RNF20: variants seen among roughly 807,000 people sequenced by gnomAD.
The protein encoded by RNF20 is E3 ubiquitin-protein ligase BRE1A.
Under a neutral mutation model 126.2 loss-of-function variants are expected in RNF20, and 84 were observed. The observed-to-expected ratio is 0.67, with a 90% CI of 0.56 to 0.80. The LOEUF (loss-of-function observed/expected upper bound fraction) is 0.80, where lower values mean the gene tolerates loss of function less well. Among genes scored for constraint, RNF20 ranks in the 30% least tolerant of loss-of-function variants. The probability of loss-of-function intolerance (pLI) is 0.00; values close to 1 mark genes in which losing one functional copy is unlikely to be tolerated. For synonymous variants in RNF20, 400 were observed against 414.3 expected (o/e 0.97, Z 0.42); for missense variants, 869 against 1,188.2 (o/e 0.73, Z 3.95).
intron 6 of RNF20, among the ~76,000 whole-genome samples, chr9:101,545,875 C>G (rs1233133976): frequency 6.6e-6 from 1 of 152,126 alleles, no homozygotes; most frequent in African/African-American, 2.4e-5. Flanking sequence ...CTGTGATGTC[C>G]TTGTTGGCTC....
chr9:101,552,766 T>C lies in RNF20; in HGVS notation c.1901+13T>C. 1 of 1,585,526 alleles carries C rather than the reference T, an allele frequency of 6.3e-7. No homozygotes were observed. The highest frequency in any genetic ancestry group is 8.6e-7 in the Non-Finnish European group (1 of 1,167,562). ...AGATTGAACTCAAGTAAGAACCACA[T>C]TTAGAGTAACAGTTTCGACTGAAAA... is the stretch of plus-strand genomic sequence containing the variant. On this transcript the variant is annotated intron_variant, in intron 13 of 19. Transcript: ENST00000389120.
intron 5 of RNF20, among the ~76,000 whole-genome samples, chr9:101,541,593 T>G (rs1342444499): frequency 6.6e-6 from 1 of 152,258 alleles, no homozygotes; most frequent in African/African-American, 2.4e-5. Flanking sequence ...CTCTAATATC[T>G]GGATCTGTTT....
At chr9:101,534,157 T>C (rs1199004629) in intron 1 of RNF20, 1 of 152,140 alleles carries the variant, frequency 6.6e-6, no homozygotes, top group Non-Finnish European at 1.5e-5. Flanking sequence ...GAGGTCCTAC[T>C]GAGGTTGTTG....
rs778771772 is a variant in RNF20 at position 101,554,788 on chromosome 9, G to A, written c.2114G>A (p.Arg705Gln). The change falls in exon 15 of 20, where the codon CGG (arginine) becomes CAG (glutamine). Residue 705 changes from arginine to glutamine, a missense_variant. This residue lies in a region of RNF20 where 231 missense variants were observed against 263.6 expected (regional missense o/e 0.88). Transcript: ENST00000389120. Reference protein sequence around the residue: ...MADEDALRKIRAVEEQIEYLQ... With the variant: ...MADEDALRKIQAVEEQIEYLQ... ...GATGAGGATGCCTTGAGGAAGATCCGGGCAGTGGAGGAGCAGATAGAATAC... is the reference window on the plus strand; with the variant it reads ...GATGAGGATGCCTTGAGGAAGATCCAGGCAGTGGAGGAGCAGATAGAATAC... 2.2e-5 allele frequency: 35 copies of A among 1,573,200 alleles called. 1 individual carries two copies. The South Asian group carries it at 3.5e-4, about 16-fold the overall frequency.
At chr9:101,543,608 G>T (rs1420691784) in intron 5 of RNF20, among the ~76,000 whole-genome samples, 1 of 151,710 alleles carries the variant, frequency 6.6e-6, no homozygotes, top group South Asian at 2.1e-4. Context: ...CCCTGCCAGG[G>T]CGGCACTGTC....
intron 5 of RNF20, among the ~76,000 whole-genome samples, chr9:101,544,152 T>C (rs956023090): frequency 6.6e-6 from 1 of 152,226 alleles, no homozygotes; most frequent in Admixed American, 6.5e-5. Flanking sequence ...ACGAACTTGG[T>C]GTAATAAGTT....
intron 16 of RNF20, among the ~76,000 whole-genome samples, chr9:101,558,080 T>C (rs745855498): frequency 2.0e-5 from 3 of 151,822 alleles, no homozygotes; most frequent in Admixed American, 6.6e-5. Flanking sequence ...ATAAGTTCTT[T>C]AGTGGTGATA....
intron 9 of RNF20, among the ~76,000 whole-genome samples, chr9:101,549,942 T>C (rs972648247): frequency 2.0e-5 from 3 of 152,228 alleles, no homozygotes; most frequent in Non-Finnish European, 1.5e-5. Flanking sequence ...ACTATTCTTG[T>C]TTTATATTTT....
intron 6 of RNF20, among the ~76,000 whole-genome samples, chr9:101,546,489 A>G (rs919009703): frequency 1.3e-5 from 2 of 152,148 alleles, no homozygotes; most frequent in African/African-American, 4.8e-5. Context: ...GATACTATTT[A>G]TTATCTCTTA....
At chr9:101,560,184 A>T (rs1409394709) in intron 16 of RNF20, among the ~76,000 whole-genome samples, 1 of 152,150 alleles carries the variant, frequency 6.6e-6, no homozygotes, top group Non-Finnish European at 1.5e-5. Flanking sequence ...AATTCTGTTT[A>T]TATGGTGTAT....
In RNF20 at chr9:101,554,685, C is replaced by G. The variant is rs1051274812; in HGVS notation, c.2020-9C>G. ...TTTTTATTTTTGTGCAATTCCTTTC[C>G]TCTTATAGTTGGAAGATCTAAGGCA... On this transcript the variant is annotated splice_polypyrimidine_tract_variant and intron_variant, in intron 14 of 19. Coordinates refer to ENST00000389120, the MANE Select transcript of RNF20 (RefSeq NM_019592.7). 2 of 1,606,492 alleles carry G rather than the reference C, an allele frequency of 1.2e-6. No homozygotes were observed. The highest frequency in any genetic ancestry group is 1.1e-5 in the South Asian group (1 of 90,262).
chr9:101,546,635 T>C (rs1356060782), intron 6 of RNF20, among the ~76,000 whole-genome samples, 185 bp from the exon 7 acceptor site: 1 of 152,142 alleles, frequency 6.6e-6, no homozygotes, highest in East Asian at 1.9e-4. Context: ...AAAGTTTGCA[T>C]GATTATAACT....
In RNF20 at chr9:101,544,868, C is replaced by T. The variant is rs564171193; in HGVS notation, c.730C>T (p.Arg244Cys). ...GACAGATCTTCTTCAGGAAAAGCAT[C>T]GCACCATGTCTCAGGAGGTACTTAA... is the stretch of plus-strand genomic sequence containing the variant. Reference protein sequence around the residue: ...ELTDLLQEKHRTMSQEFSKLQ... With the variant: ...ELTDLLQEKHCTMSQEFSKLQ... The change falls in exon 6 of 20, where the codon CGC becomes TGC. Residue 244 changes from arginine to cysteine, a missense_variant. By Grantham distance (180) the Arg-to-Cys change is radical. Around this residue, in one of 8 missense-constraint regions of RNF20, gnomAD observed 103 missense variants for 94.3 expected, o/e 1.09. Transcript: ENST00000389120. 8.7e-6 allele frequency: 14 copies of T among 1,610,260 alleles called. No individual in the cohort carries two copies. Among genetic ancestry groups the T allele is most frequent in the Admixed American group, 3.3e-5 (2 of 60,006 alleles).
intron 9 of RNF20, among the ~76,000 whole-genome samples, chr9:101,549,272 C>T (rs990644185): frequency 2.6e-5 from 4 of 152,194 alleles, no homozygotes; most frequent in Non-Finnish European, 2.9e-5. Context: ...GGTAAGGTCA[C>T]GTGGGTCACA....
chr9:101,534,944 G>A (rs1827158871), intron 1 of RNF20, among the ~76,000 whole-genome samples: 4 of 143,692 alleles, frequency 2.8e-5, no homozygotes, highest in African/African-American at 7.8e-5. Flanking sequence ...GTCCCGCTCT[G>A]TTGCCCAGGC....
At chr9:101,539,811 C>A (rs1827231822) in intron 2 of RNF20, among the ~76,000 whole-genome samples, 1 of 152,050 alleles carries the variant, frequency 6.6e-6, no homozygotes, top group South Asian at 2.1e-4. Context: ...GATATATTGG[C>A]AGGAACTGGG....
intron 2 of RNF20, among the ~76,000 whole-genome samples, chr9:101,537,085 T>C (rs773690198): frequency 2.0e-5 from 3 of 152,182 alleles, no homozygotes; most frequent in African/African-American, 2.4e-5. Context: ...ACAGAAAAAC[T>C]GAGTCTCCAA....
chr9:101,549,728 T>C (rs1312532286), intron 9 of RNF20, among the ~76,000 whole-genome samples: 3 of 152,188 alleles, frequency 2.0e-5, no homozygotes, highest in Non-Finnish European at 4.4e-5. Context: ...TGGCCCTGTC[T>C]GGGCATAACA....
At chr9:101,540,661 T>C (rs1448881821) in intron 4 of RNF20, 24 bp downstream of exon 4, 1 of 1,613,332 alleles carries the variant, frequency 6.2e-7, no homozygotes, top group Non-Finnish European at 8.5e-7. Flanking sequence ...ATGGATTCTA[T>C]CACTGCATGC....
Sources: allele counts gnomAD v4.1 joint callset (sites outside exome capture counted in the v4.1 genomes callset), GRCh38; gene constraint gnomAD v4.1.1; regional missense constraint gnomAD v4.1.1; transcripts MANE v1.5; gene names NCBI Gene and HGNC (gene_info 2026-07-23, HGNC 2026-07-21).